STOX1: variants seen among roughly 807,000 people sequenced by gnomAD.
STOX1 encodes the protein storkhead box 1.
STOX1 carries 57 observed loss-of-function variants against 74.8 expected under a neutral mutation model. The observed-to-expected ratio is 0.76, with a 90% confidence interval of 0.62 to 0.95. STOX1 has a LOEUF of 0.95. STOX1 is among the 40% of genes least tolerant of loss of function. The probability of loss-of-function intolerance (pLI) is 0.00; values close to 1 mark genes in which losing one functional copy is unlikely to be tolerated. For synonymous variants in STOX1, 375 were observed against 401.3 expected, an observed-to-expected ratio of 0.93 and a Z score of 0.78; for missense variants, 1,010 against 1,117.0, an observed-to-expected ratio of 0.90 and a Z score of 1.37.
At chr10:68,868,835 CAGT>C (rs1316623474) in intron 1 of STOX1, among the ~76,000 whole-genome samples, 2 of 152,194 alleles carry the variant, frequency 1.3e-5, no homozygotes, top group Non-Finnish European at 2.9e-5. Flanking sequence ...GCGCTGATAT[CAGT>C]AGAAGAACTG....
At chr10:68,846,121 TATTA>T (rs1263069083) in intron 1 of STOX1, among the ~76,000 whole-genome samples, 24 of 69,514 alleles carry the variant, frequency 3.5e-4, no homozygotes, top group East Asian at 8.8e-4. Context: ...TTGAGGTTTT[TATTA>T]TTATTATTAT....
intron 1 of STOX1, among the ~76,000 whole-genome samples, chr10:68,871,142 T>A (rs1288272800): frequency 6.6e-6 from 1 of 152,182 alleles, no homozygotes; most frequent in Non-Finnish European, 1.5e-5. Context: ...TTCGTTTTAG[T>A]ATTATTCAAA....
chr10:68,883,469 G>C (rs1174649686), intron 2 of STOX1, among the ~76,000 whole-genome samples: 1 of 152,038 alleles, frequency 6.6e-6, no homozygotes, highest in Non-Finnish European at 1.5e-5. Context: ...TTGGAGTGCA[G>C]TGGTGCAATT....
At chr10:68,835,369 G>T (rs892920194) in intron 1 of STOX1, among the ~76,000 whole-genome samples, 1 of 151,470 alleles carries the variant, frequency 6.6e-6, no homozygotes. Context: ...TTAGATAGAG[G>T]GTTTCACTCT....
At chr10:68,866,854 GC>G (rs896834549) in intron 1 of STOX1, among the ~76,000 whole-genome samples, 1 of 152,266 alleles carries the variant, frequency 6.6e-6, no homozygotes, top group Non-Finnish European at 1.5e-5. Context: ...TTGGAACGGG[GC>G]CCAGGACGGG....
intron 1 of STOX1, among the ~76,000 whole-genome samples, chr10:68,873,422 A>G (rs1326915176): frequency 1.3e-5 from 2 of 151,518 alleles, no homozygotes; most frequent in African/African-American, 4.8e-5. Flanking sequence ...CACCACGCCC[A>G]GCTAATTTTT....
At chr10:68,840,446 G>T (rs940754318) in intron 1 of STOX1, among the ~76,000 whole-genome samples, 2 of 152,170 alleles carry the variant, frequency 1.3e-5, no homozygotes, top group Non-Finnish European at 2.9e-5. Context: ...TTTTGGTAGA[G>T]ATGAGGTTTC....
chr10:68,891,404 G>T (rs1841093331), intron 3 of STOX1, among the ~76,000 whole-genome samples: 1 of 152,218 alleles, frequency 6.6e-6, no homozygotes, highest in Non-Finnish European at 1.5e-5. Flanking sequence ...GGAATTGAGT[G>T]ATGGGCTGTT....
intron 1 of STOX1, among the ~76,000 whole-genome samples, chr10:68,871,374 A>G (rs1840533097): frequency 6.6e-6 from 1 of 152,220 alleles, no homozygotes; most frequent in African/African-American, 2.4e-5. Flanking sequence ...GATAGTCAAT[A>G]TTAGTGAATA....
In STOX1 at chr10:68,886,014, G is replaced by A; in HGVS notation, c.2218G>A (p.Asp740Asn). The A allele has an allele frequency of 1.2e-6, 2 of 1,614,170 alleles. No homozygotes were observed. The change falls in exon 3 of 4, where the codon GAT becomes AAT. Residue 740 changes from aspartate (D) to asparagine (N), a missense_variant. Physicochemically the swap from Asp to Asn is conservative, Grantham distance 23. Transcript: ENST00000298596. Reference protein sequence around the residue: ...GACSSLYLEEDDISENDDLRQ... With the variant: ...GACSSLYLEENDISENDDLRQ... ...CTGTAGTTCATTATATCTAGAGGAG[G>A]ATGACATTTCTGAGAATGACGACTT... is the stretch of plus-strand genomic sequence containing the variant.
intron 3 of STOX1, among the ~76,000 whole-genome samples, chr10:68,888,927 G>A (rs1841034181): frequency 6.8e-6 from 1 of 146,490 alleles, no homozygotes; most frequent in African/African-American, 2.5e-5. Context: ...GGGATTGCAG[G>A]TGTGAGCCAC....
intron 1 of STOX1, among the ~76,000 whole-genome samples, chr10:68,868,329 A>G (rs574975613): frequency 3.8e-4 from 58 of 152,366 alleles, no homozygotes; most frequent in African/African-American, 1.4e-3. Context: ...AACTAAAACT[A>G]TTCTTCACAA....
At chr10:68,880,945 C>T (rs779693568) in intron 1 of STOX1, among the ~76,000 whole-genome samples, 12 of 152,148 alleles carry the variant, frequency 7.9e-5, no homozygotes, top group African/African-American at 2.4e-4. Flanking sequence ...CCGCCCACCT[C>T]GGCCTCCCAA....
intron 1 of STOX1, among the ~76,000 whole-genome samples, chr10:68,853,864 T>G (rs1840052767): frequency 6.6e-6 from 1 of 151,868 alleles, no homozygotes; most frequent in Non-Finnish European, 1.5e-5. Flanking sequence ...TTTGTATTTT[T>G]AGTAGAGCCA....
intron 1 of STOX1, among the ~76,000 whole-genome samples, chr10:68,845,731 A>G (rs909930042): frequency 6.6e-6 from 1 of 151,054 alleles, no homozygotes; most frequent in African/African-American, 2.4e-5. Context: ...CCTCCCGAGT[A>G]TCTGGGATTA....
intron 1 of STOX1, among the ~76,000 whole-genome samples, chr10:68,833,279 G>A (rs1181422084): frequency 6.6e-6 from 1 of 151,996 alleles, no homozygotes; most frequent in Non-Finnish European, 1.5e-5. Flanking sequence ...AGTAGAGACA[G>A]GGTTTCTCCA....
At chr10:68,873,877 C>G (rs1840609203) in intron 1 of STOX1, among the ~76,000 whole-genome samples, 1 of 150,918 alleles carries the variant, frequency 6.6e-6, no homozygotes, top group South Asian at 2.1e-4. Context: ...TCTCGAACCC[C>G]TGACCTCGTG....
chr10:68,885,295 T>A lies in STOX1; in HGVS notation c.1499T>A (p.Leu500Ter). ...CGAATCAGTAATCCTTTCCAGGGTT[T>A]GTCTCACCGAGGAAGCACAATATCC... ...KKRISNPFQG[L>*]SHRGSTISKG... The change falls in exon 3 of 4, where the codon TTG (leucine) becomes TAG (stop). Residue 500 changes from leucine to a stop codon, truncating the protein, a stop_gained. Coordinates refer to ENST00000298596, the MANE Select transcript of STOX1 (RefSeq NM_152709.5). LOFTEE classifies it high-confidence loss of function. The A allele has an allele frequency of 6.2e-7, 1 of 1,614,222 alleles. No homozygotes were observed. Among genetic ancestry groups the A allele is most frequent in the Non-Finnish European group, 8.5e-7 (1 of 1,180,048 alleles).
intron 1 of STOX1, among the ~76,000 whole-genome samples, chr10:68,853,976 C>T (rs757573793): frequency 9.3e-5 from 14 of 151,224 alleles, no homozygotes; most frequent in Non-Finnish European, 1.9e-4. Context: ...TGAGCCACCG[C>T]GCCCAGCCTT....
Sources: allele counts gnomAD v4.1 joint callset (sites outside exome capture counted in the v4.1 genomes callset), GRCh38; gene constraint gnomAD v4.1.1; transcripts MANE v1.5; gene names NCBI Gene and HGNC (gene_info 2026-07-23, HGNC 2026-07-21).